The following DGKH variants were observed in gnomAD, a reference collection of about 807,000 sequenced individuals.
DGKH encodes the protein DAG kinase eta.
In DGKH, 90 loss-of-function variants were observed where a neutral mutation model predicts 159.3. That is an observed-to-expected ratio of 0.57 (90% CI 0.48 to 0.67). The LOEUF (loss-of-function observed/expected upper bound fraction) is 0.67. DGKH is among the 30% of genes least tolerant of loss of function. The pLI, the probability that DGKH is intolerant of heterozygous loss-of-function variation, is 0.00. For synonymous variants in DGKH, 536 were observed against 553.8 expected, an observed-to-expected ratio of 0.97 and a Z score of 0.45; for missense variants, 1,181 against 1,506.1, an observed-to-expected ratio of 0.78 and a Z score of 3.57.
intron 8 of DGKH, among the ~76,000 whole-genome samples, chr13:42,166,025 G>A (rs1230401445): frequency 6.6e-6 from 1 of 152,024 alleles, no homozygotes; most frequent in Non-Finnish European, 1.5e-5. Context: ...GATATTCATA[G>A]GGTTCCTGCA....
chr13:42,165,456 C>T (rs1221531750), intron 8 of DGKH, 23 bp downstream of exon 8: 21 of 1,328,590 alleles, frequency 1.6e-5, no homozygotes, highest in African/African-American at 4.5e-5. Flanking sequence ...AGTGTAAGTA[C>T]GTATATTTCT....
chr13:42,097,178 CTTTCAG>C, intron 1 of DGKH, among the ~76,000 whole-genome samples: 1 of 152,230 alleles, frequency 6.6e-6, no homozygotes, highest in East Asian at 1.9e-4. Flanking sequence ...TTTGTATTCC[CTTTCAG>C]TTTTCAGTTC....
rs988855019 is a variant in DGKH at position 42,159,351 on chromosome 13, C to T, written c.708C>T (p.Asp236=). 10 of 1,593,202 alleles carry T rather than the reference C, an allele frequency of 6.3e-6. No homozygotes were observed. Among genetic ancestry groups the T allele is most frequent in the Non-Finnish European group, 7.7e-6 (9 of 1,168,354 alleles). The stretch of plus-strand genomic sequence containing the variant: ...CTACCCTGGCCTCCATCGGGAAGGA[C>T]ATTATAGAAGATGAAGATGGCGTAA... ...KWTTLASIGK[D]IIEDEDGVAM... Residue 236 remains aspartate (D), a synonymous_variant, in exon 6 of 30, where the codon GAC becomes GAT. Coordinates refer to ENST00000337343, the MANE Select transcript of DGKH (RefSeq NM_178009.5).
intron 29 of DGKH, among the ~76,000 whole-genome samples, chr13:42,250,928 G>A (rs1277523938): frequency 6.6e-6 from 1 of 152,120 alleles, no homozygotes; most frequent in Non-Finnish European, 1.5e-5. Flanking sequence ...TATTATTAAA[G>A]CATATCGGCT....
intron 16 of DGKH, among the ~76,000 whole-genome samples, chr13:42,194,550 T>C (rs1291973629): frequency 1.3e-5 from 2 of 152,250 alleles, no homozygotes; most frequent in African/African-American, 4.8e-5. Flanking sequence ...ATGGGTAGTG[T>C]GCATTATAAT....
rs1954819158 is a variant in DGKH, at chr13:42,109,494, G to A, written c.193-17969G>A. ...AGAACAATAAACAGAAGTAGCCTAA[G>A]GGAGAGAGGGCTTAGATTTTTTTGG... is the stretch of plus-strand genomic sequence containing the variant. On this transcript the variant is annotated intron_variant, in intron 1 of 29. Coordinates refer to ENST00000337343, the MANE Select transcript of DGKH (RefSeq NM_178009.5). Among the ~76,000 whole-genome samples the A allele has an allele frequency of 3.9e-5, 6 of 152,316 alleles. 1 individual carries two copies. The South Asian group carries it at 1.2e-3, about 32-fold the overall frequency.
At chr13:42,094,865 A>G (rs1256510372) in intron 1 of DGKH, among the ~76,000 whole-genome samples, 1 of 152,200 alleles carries the variant, frequency 6.6e-6, no homozygotes, top group African/African-American at 2.4e-5. Flanking sequence ...CCAGATTTTT[A>G]GCAATTGTGT....
In DGKH at chr13:42,207,009, TTC is replaced by T. The variant is rs759943976; in HGVS notation, c.2601+865_2601+866del. ...TTTCTTTCTTTCTTTCTTTCTTTCT[TTC>T]TTTCTTTCTTTCTTTTTCTTTCTTT... On this transcript the variant is annotated intron_variant, in intron 21 of 29. Coordinates refer to ENST00000337343, the MANE Select transcript of DGKH (RefSeq NM_178009.5). 2.3e-3 allele frequency among the ~76,000 whole-genome samples: 326 copies of T among 140,718 alleles called. 1 individual carries two copies. Among genetic ancestry groups the T allele is most frequent in the African/African-American group, 4.9e-3 (176 of 36,032 alleles). The allele number at this position is 140,718 out of a possible 152,430, so 92.3% of individuals were successfully genotyped here.
chr13:42,120,044 C>T (rs1055705412), intron 1 of DGKH, among the ~76,000 whole-genome samples: 2 of 152,162 alleles, frequency 1.3e-5, no homozygotes, highest in African/African-American at 4.8e-5. Context: ...TTATGAGTCA[C>T]AAGTGCACAC....
chr13:42,224,279 G>T (rs985881236), intron 29 of DGKH, among the ~76,000 whole-genome samples: 2 of 152,020 alleles, frequency 1.3e-5, no homozygotes, highest in African/African-American at 4.8e-5. Flanking sequence ...CAGATCTCTG[G>T]CCCTCCAGGC....
intron 29 of DGKH, among the ~76,000 whole-genome samples, chr13:42,248,561 A>G (rs1020126723): frequency 2.0e-5 from 3 of 147,288 alleles, no homozygotes; most frequent in Non-Finnish European, 3.0e-5. Context: ...ATTGTTTAAT[A>G]TTTAATATAA....
chr13:42,198,594 G>A lies in DGKH; in HGVS notation c.2284G>A (p.Val762Ile), dbSNP rs139794584. Reference sequence around the variant, plus strand: ...GTTTATTGACCCGGATCTAGATTCCGTGTAAGAAAATGCTTTTGCAAATAT... The same window carrying A: ...GTTTATTGACCCGGATCTAGATTCCATGTAAGAAAATGCTTTTGCAAATAT... ...TPFIDPDLDS[V>I]DGYSEKCVMN... Residue 762 changes from valine (V) to isoleucine (I), a missense_variant and splice_region_variant, in exon 18 of 30, where the codon GTA (valine) becomes ATA (isoleucine). By Grantham distance (29) the Val-to-Ile change is conservative. Around this residue, in one of 5 missense-constraint regions of DGKH, gnomAD observed 335 missense variants for 495.2 expected, o/e 0.68. Coordinates refer to ENST00000337343, the MANE Select transcript of DGKH (RefSeq NM_178009.5). The A allele has an allele frequency of 1.5e-3, 2,477 of 1,603,032 alleles. 44 individuals carry two copies. In the East Asian group the frequency reaches 0.041, roughly 26 times the overall value.
intron 1 of DGKH, among the ~76,000 whole-genome samples, chr13:42,061,315 C>T (rs895593779): frequency 1.2e-4 from 19 of 152,164 alleles, no homozygotes; most frequent in Admixed American, 1.2e-3. Flanking sequence ...ATGGAACTGC[C>T]ATCTTGAAAA....
intron 28 of DGKH, 144 bp from the exon 29 acceptor site, chr13:42,221,120 T>C (rs1160519904): frequency 3.7e-6 from 4 of 1,069,272 alleles, no homozygotes; most frequent in Non-Finnish European, 5.4e-6. Flanking sequence ...AGTGGAACTA[T>C]GGTTTTGTTG....
intron 26 of DGKH, among the ~76,000 whole-genome samples, chr13:42,217,221 G>A (rs1026542008): frequency 4.6e-5 from 7 of 152,106 alleles, no homozygotes; most frequent in Non-Finnish European, 7.4e-5. Context: ...TAGACTAAAC[G>A]AAAATTAATA....
rs2137720758 is a variant in DGKH, at chr13:42,081,598, C to A, written c.192+32633C>A. Among the ~76,000 whole-genome samples the A allele has an allele frequency of 2.0e-5, 3 of 152,296 alleles. No individual in the cohort carries two copies. The Middle Eastern group carries it at 0.01, about 518-fold the overall frequency. ...GACTTAAACAGCTCCATGTTTTATT[C>A]AATGTATATAAGCCATTAGAATTAT... On this transcript the variant is annotated intron_variant, in intron 1 of 29. Coordinates refer to ENST00000337343, the MANE Select transcript of DGKH (RefSeq NM_178009.5).
chr13:42,156,658 C>G (rs754722054), intron 5 of DGKH, among the ~76,000 whole-genome samples: 5 of 152,058 alleles, frequency 3.3e-5, no homozygotes, highest in Non-Finnish European at 7.4e-5. Flanking sequence ...ACTTTTTGAA[C>G]TATATATGAT....
intron 1 of DGKH, among the ~76,000 whole-genome samples, chr13:42,063,411 C>T (rs1882325342): frequency 6.6e-6 from 1 of 152,112 alleles, no homozygotes; most frequent in Non-Finnish European, 1.5e-5. Flanking sequence ...GTGACAATTT[C>T]CTTGACAGTT....
chr13:42,070,385 G>A, intron 1 of DGKH: 5 of 1,418,048 alleles, frequency 3.5e-6, no homozygotes, highest in Non-Finnish European at 5.0e-6. Flanking sequence ...TCAAGTTCAT[G>A]TGCACCTGCA....
Sources: allele counts gnomAD v4.1 joint callset (sites outside exome capture counted in the v4.1 genomes callset), GRCh38; gene constraint gnomAD v4.1.1; regional missense constraint gnomAD v4.1.1; transcripts MANE v1.5; gene names NCBI Gene and HGNC (gene_info 2026-07-23, HGNC 2026-07-21).